Variants in MSH3 observed in about 807,000 individuals in gnomAD.
MSH3 encodes mutS homolog 3, also known as DNA mismatch repair protein Msh3.
In MSH3, 106 loss-of-function variants were observed where a neutral mutation model predicts 123.3. The ratio of observed to expected loss-of-function variants is 0.86; its 90% CI spans 0.73 to 1.01. The LOEUF (loss-of-function observed/expected upper bound fraction) is 1.01. Among genes scored for constraint, MSH3 ranks in the 50% least tolerant of loss-of-function variants. The pLI, the probability that MSH3 is intolerant of heterozygous loss-of-function variation, is 0.00. For synonymous variants in MSH3, 515 were observed against 481.4 expected (o/e 1.07, Z -0.91); for missense variants, 1,459 against 1,347.6 (o/e 1.08, Z -1.29).
rs776922419 is a variant in MSH3, at chr5:80,665,258, G to T, written c.474G>T (p.Glu158Asp). The T allele has an allele frequency of 1.9e-6, 3 of 1,613,920 alleles. No homozygotes were observed. Among genetic ancestry groups the T allele is most frequent in the Middle Eastern group, 1.7e-4 (1 of 6,028 alleles). The change falls in exon 3 of 24, where the codon GAG (glutamate) becomes GAT (aspartate). Residue 158 changes from glutamate (E) to aspartate (D), a missense_variant. Physicochemically the swap from Glu to Asp is conservative, Grantham distance 45. Coordinates refer to ENST00000265081, the MANE Select transcript of MSH3 (RefSeq NM_002439.5). ...GAGTCCAGACAGAATCTCTGCAGGA[G>T]AGATTTGCAGTTCTGCCAAAATGTA... The part of the protein sequence containing the change: ...QSRVQTESLQ[E>D]RFAVLPKCTD...
chr5:80,822,455 G>T (rs1205977296), intron 20 of MSH3, among the ~76,000 whole-genome samples: 1 of 152,068 alleles, frequency 6.6e-6, no homozygotes, highest in East Asian at 1.9e-4. Context: ...CAGATTCTAT[G>T]CCATTAGTAT....
At chr5:80,842,648 G>A (rs1745648257) in intron 20 of MSH3, among the ~76,000 whole-genome samples, 1 of 152,060 alleles carries the variant, frequency 6.6e-6, no homozygotes, top group Non-Finnish European at 1.5e-5. Flanking sequence ...GTATTCCTAG[G>A]TATTTTATTC....
At chr5:80,680,573 G>GTT (rs547135113) in intron 8 of MSH3, among the ~76,000 whole-genome samples, 4 of 143,990 alleles carry the variant, frequency 2.8e-5, no homozygotes, top group Non-Finnish European at 3.0e-5. Flanking sequence ...CTATTCTGTG[G>GTT]TTTTTTTTTT....
chr5:80,732,996 G>T (rs982484756), intron 10 of MSH3, among the ~76,000 whole-genome samples: 3 of 152,134 alleles, frequency 2.0e-5, no homozygotes, highest in Non-Finnish European at 4.4e-5. Context: ...AATCCCAGCT[G>T]GCTTCCTTGG....
intron 13 of MSH3, among the ~76,000 whole-genome samples, chr5:80,763,419 G>T (rs990102583): frequency 2.6e-4 from 39 of 152,210 alleles, no homozygotes; most frequent in African/African-American, 9.4e-4. Flanking sequence ...GGTACACCAT[G>T]TTATTGTTTT....
At chr5:80,854,080 C>G in intron 20 of MSH3, 50 bp from the exon 21 acceptor site, 2 of 1,445,446 alleles carry the variant, frequency 1.4e-6, no homozygotes, top group Non-Finnish European at 1.9e-6. Context: ...GTTCGGCTTC[C>G]TAATAAGAAA....
At chr5:80,716,835 A>G (rs1430633577) in intron 8 of MSH3, among the ~76,000 whole-genome samples, 1 of 152,128 alleles carries the variant, frequency 6.6e-6, no homozygotes, top group Non-Finnish European at 1.5e-5. Flanking sequence ...CCTTCTATCT[A>G]ACTGTATGCT....
At chr5:80,807,969 A>G (rs1193603871) in intron 19 of MSH3, among the ~76,000 whole-genome samples, 1 of 152,200 alleles carries the variant, frequency 6.6e-6, no homozygotes, top group African/African-American at 2.4e-5. Context: ...CAATTTTGTA[A>G]TGAAATGACA....
At chr5:80,798,163 C>G (rs1385770020) in intron 19 of MSH3, among the ~76,000 whole-genome samples, 2 of 152,020 alleles carry the variant, frequency 1.3e-5, no homozygotes, top group Non-Finnish European at 2.9e-5. Context: ...GCACTCGAAC[C>G]CTGTAGCTCT....
intron 8 of MSH3, among the ~76,000 whole-genome samples, chr5:80,679,689 A>G (rs1749926382): frequency 6.6e-6 from 1 of 152,192 alleles, no homozygotes; most frequent in African/African-American, 2.4e-5. Flanking sequence ...GTACAGAGGA[A>G]GAAGATGTGG....
chr5:80,787,088 AATGAG>A (rs36204523), intron 17 of MSH3, among the ~76,000 whole-genome samples: 128,148 of 151,654 alleles, frequency 0.85, 54,169 homozygotes, highest in East Asian at 1. Context: ...CAATGGGGTT[AATGAG>A]ATGAGATAGA....
At chr5:80,810,172 CATATATATAT>C (rs113702568) in intron 19 of MSH3, among the ~76,000 whole-genome samples, 11,988 of 121,592 alleles carry the variant, frequency 0.099, 1,108 homozygotes, top group East Asian at 0.35. Flanking sequence ...GTTTGACATA[CATATATATAT>C]ATATATATAT....
intron 18 of MSH3, among the ~76,000 whole-genome samples, chr5:80,792,194 T>C (rs941040318): frequency 6.6e-5 from 10 of 152,130 alleles, no homozygotes; most frequent in African/African-American, 2.4e-4. Context: ...TGAACTGTTA[T>C]CTTTACTAAT....
In MSH3 at chr5:80,654,718, T is replaced by C; in HGVS notation, c.-10T>C. On this transcript the variant is annotated 5_prime_UTR_variant, in exon 1 of 24. Coordinates refer to ENST00000265081, the MANE Select transcript of MSH3 (RefSeq NM_002439.5). Reference sequence around the variant, plus strand: ...AGGCCCTGCCGCCGGGCTGCCATCCTTGCCCTGCCATGTCTCGCCGGAAGC... The same window carrying C: ...AGGCCCTGCCGCCGGGCTGCCATCCCTGCCCTGCCATGTCTCGCCGGAAGC... 6.3e-7 allele frequency: 1 copy of C among 1,592,672 alleles called. No homozygotes were observed. The highest frequency in any genetic ancestry group is 8.5e-7 in the Non-Finnish European group (1 of 1,172,418).
intron 20 of MSH3, among the ~76,000 whole-genome samples, chr5:80,827,522 A>G (rs1358530091): frequency 1.3e-5 from 2 of 152,248 alleles, no homozygotes; most frequent in Non-Finnish European, 2.9e-5. Context: ...CAGAAAGAAA[A>G]CATCTTGAAT....
intron 17 of MSH3, among the ~76,000 whole-genome samples, chr5:80,786,237 C>T (rs753784120): frequency 5.9e-5 from 9 of 151,952 alleles, no homozygotes; most frequent in Non-Finnish European, 1.0e-4. Flanking sequence ...AGGCAAGATG[C>T]TAGTAGGAGT....
chr5:80,838,602 T>TA (rs1185225757), intron 20 of MSH3, among the ~76,000 whole-genome samples: 4 of 152,230 alleles, frequency 2.6e-5, no homozygotes, highest in African/African-American at 9.6e-5. Context: ...TGAGTAAACT[T>TA]AATCTAATGG....
intron 19 of MSH3, among the ~76,000 whole-genome samples, chr5:80,795,176 G>A (rs1022292006): frequency 2.6e-5 from 4 of 152,148 alleles, no homozygotes; most frequent in Admixed American, 1.3e-4. Context: ...GAGATGTGTG[G>A]CATGGTGCAT....
intron 20 of MSH3, among the ~76,000 whole-genome samples, chr5:80,834,384 A>C (rs1745473065): frequency 6.7e-6 from 1 of 150,220 alleles, no homozygotes; most frequent in Admixed American, 6.6e-5. Flanking sequence ...AAAAAGTTCT[A>C]CAAATGGAAA....
Sources: allele counts gnomAD v4.1 joint callset (sites outside exome capture counted in the v4.1 genomes callset), GRCh38; gene constraint gnomAD v4.1.1; transcripts MANE v1.5; gene names NCBI Gene and HGNC (gene_info 2026-07-23, HGNC 2026-07-21).